Variants in MAP2 observed in about 807,000 individuals in gnomAD.
MAP2 encodes the protein microtubule associated protein 2, also known as microtubule-associated protein 2.
MAP2 carries 14 observed loss-of-function variants against 137.6 expected under a neutral mutation model. That is an observed-to-expected ratio of 0.10 (90% CI 0.07 to 0.16). The LOEUF is 0.16. Ranked by LOEUF, MAP2 falls within the 10% of genes least tolerant of loss-of-function variation. MAP2 has a pLI of 1.00. For synonymous variants in MAP2, 786 were observed against 782.3 expected, an observed-to-expected ratio of 1.00 and a Z score of -0.08; for missense variants, 2,088 against 2,191.5, an observed-to-expected ratio of 0.95 and a Z score of 0.94.
At chr2:209,676,228 G>T (rs534952257) in intron 5 of MAP2, among the ~76,000 whole-genome samples, 1 of 152,056 alleles carries the variant, frequency 6.6e-6, no homozygotes, top group Admixed American at 6.6e-5. Context: ...ACAAGATCAT[G>T]TATTTTGCCA....
chr2:209,682,193 A>G (rs1344775053), intron 7 of MAP2, among the ~76,000 whole-genome samples: 1 of 152,282 alleles, frequency 6.6e-6, no homozygotes, highest in Non-Finnish European at 1.5e-5. Context: ...AGTGAACAAA[A>G]CAGACATGAT....
chr2:209,484,287 T>C (rs1020361240), intron 1 of MAP2, among the ~76,000 whole-genome samples: 3 of 152,196 alleles, frequency 2.0e-5, no homozygotes, highest in African/African-American at 4.8e-5. Flanking sequence ...CAGTGGTTTA[T>C]ATTTTATTAT....
At chr2:209,608,499 C>A (rs1290800244) in intron 3 of MAP2, among the ~76,000 whole-genome samples, 1 of 152,078 alleles carries the variant, frequency 6.6e-6, no homozygotes, top group Non-Finnish European at 1.5e-5. Context: ...GTTGTCCAGG[C>A]TGGGAAATCT....
chr2:209,683,182 G>A (rs970036131), intron 7 of MAP2, among the ~76,000 whole-genome samples: 12 of 152,074 alleles, frequency 7.9e-5, no homozygotes, highest in African/African-American at 2.9e-4. Flanking sequence ...TTCACATTTT[G>A]GTAACTTAGG....
At chr2:209,633,606 G>T (rs1231047009) in intron 4 of MAP2, among the ~76,000 whole-genome samples, 1 of 152,108 alleles carries the variant, frequency 6.6e-6, no homozygotes, top group Non-Finnish European at 1.5e-5. Context: ...TAGATTTTAT[G>T]GTGATGGTTA....
chr2:209,645,728 C>T (rs1423928808), intron 4 of MAP2, among the ~76,000 whole-genome samples: 53 of 152,068 alleles, frequency 3.5e-4, no homozygotes, highest in Admixed American at 3.5e-3. Context: ...ATATATTCTG[C>T]AGGATTTCAG....
chr2:209,552,157 T>C (rs1199242835), intron 2 of MAP2, among the ~76,000 whole-genome samples: 1 of 152,220 alleles, frequency 6.6e-6, no homozygotes, highest in East Asian at 1.9e-4. Context: ...AAAATGTGGA[T>C]AAGAACATCT....
intron 11 of MAP2, among the ~76,000 whole-genome samples, chr2:209,702,126 A>G (rs2061936952): frequency 6.6e-6 from 1 of 152,190 alleles, no homozygotes; most frequent in Non-Finnish European, 1.5e-5. Flanking sequence ...TATAGAAAAT[A>G]AGTCTGACCT....
At chr2:209,591,514 A>G (rs2079242230) in intron 3 of MAP2, among the ~76,000 whole-genome samples, 1 of 152,232 alleles carries the variant, frequency 6.6e-6, no homozygotes, top group Non-Finnish European at 1.5e-5. Context: ...TACTTATCAT[A>G]GAATAGGTAT....
At chr2:209,514,425 C>T (rs1464195275) in intron 2 of MAP2, among the ~76,000 whole-genome samples, 1 of 151,850 alleles carries the variant, frequency 6.6e-6, no homozygotes. Context: ...CAAAAGACAA[C>T]CACTGGCTAT....
At chr2:209,692,473 C>T in intron 7 of MAP2, 152 bp from the exon 8 acceptor site, 1 of 740,264 alleles carries the variant, frequency 1.4e-6, no homozygotes, top group Admixed American at 3.4e-5. Flanking sequence ...CTGACCTTTT[C>T]ATATTGACTT....
At chr2:209,684,439 G>T (rs1437820747) in intron 7 of MAP2, among the ~76,000 whole-genome samples, 1 of 152,174 alleles carries the variant, frequency 6.6e-6, no homozygotes, top group Non-Finnish European at 1.5e-5. Context: ...TGTAAGTGCG[G>T]CCAGCAGCCA....
At chr2:209,675,286 T>A (rs976983732) in intron 5 of MAP2, among the ~76,000 whole-genome samples, 2 of 151,828 alleles carry the variant, frequency 1.3e-5, no homozygotes, top group Non-Finnish European at 2.9e-5. Flanking sequence ...TAAAATTAAC[T>A]TGTTCATGAG....
At chr2:209,631,216 C>T (rs996269364) in intron 4 of MAP2, among the ~76,000 whole-genome samples, 4 of 152,016 alleles carry the variant, frequency 2.6e-5, no homozygotes, top group African/African-American at 9.6e-5. Flanking sequence ...TGTCCTGTCC[C>T]TTTGATGCAA....
intron 4 of MAP2, among the ~76,000 whole-genome samples, chr2:209,651,426 A>G (rs1559484808): frequency 6.6e-6 from 1 of 152,188 alleles, no homozygotes; most frequent in Non-Finnish European, 1.5e-5. Flanking sequence ...ATATGTAATG[A>G]ATAATGATAT....
rs768285247 is a variant in MAP2, at chr2:209,556,630, C to T, written c.-171-23406C>T. On this transcript the variant is annotated intron_variant, in intron 2 of 15. Coordinates refer to ENST00000682079, the MANE Select transcript of MAP2 (RefSeq NM_001375505.1). ...TGAAACACCTCCACCCTTGCATACACGCACACATACTGGCAACATAATCTG... is the reference window on the plus strand; with the variant it reads ...TGAAACACCTCCACCCTTGCATACATGCACACATACTGGCAACATAATCTG... 7.6e-5 allele frequency among the ~76,000 whole-genome samples: 11 copies of T among 144,446 alleles called. No homozygotes were observed. The East Asian group carries it at 1.8e-3, about 24-fold the overall frequency. The allele number at this position is 144,446 out of a possible 152,430, so 94.8% of individuals were successfully genotyped here.
At chr2:209,494,646 C>T (rs1400166260) in intron 1 of MAP2, among the ~76,000 whole-genome samples, 3 of 152,162 alleles carry the variant, frequency 2.0e-5, no homozygotes, top group East Asian at 1.9e-4. Context: ...TACAAATGGA[C>T]AACCAACAGC....
At chr2:209,569,011 A>G (rs2073960545) in intron 2 of MAP2, among the ~76,000 whole-genome samples, 1 of 151,892 alleles carries the variant, frequency 6.6e-6, no homozygotes, top group Non-Finnish European at 1.5e-5. Context: ...AAATAAATTT[A>G]CTAGTTATAA....
intron 3 of MAP2, among the ~76,000 whole-genome samples, chr2:209,597,423 C>G (rs1454735006): frequency 1.3e-5 from 2 of 152,170 alleles, no homozygotes; most frequent in Admixed American, 1.3e-4. Context: ...AACCAGTCTT[C>G]AAATCCATTC....
Sources: allele counts gnomAD v4.1 joint callset (sites outside exome capture counted in the v4.1 genomes callset), GRCh38; gene constraint gnomAD v4.1.1; transcripts MANE v1.5; gene names NCBI Gene and HGNC (gene_info 2026-07-23, HGNC 2026-07-21).